ATRNL1: variants seen among roughly 807,000 people sequenced by gnomAD.
ATRNL1 encodes attractin-like protein 1.
Under a neutral mutation model 182.7 loss-of-function variants are expected in ATRNL1, and 95 were observed. The observed-to-expected ratio is 0.52, with a 90% CI of 0.44 to 0.62. The LOEUF is 0.62. Ranked by LOEUF, ATRNL1 falls within the 20% of genes least tolerant of loss-of-function variation. The pLI is 0.00. For missense variants in ATRNL1, 1,471 were observed against 1,679.5 expected (o/e 0.88, Z 2.17); for synonymous variants, 576 against 568.3 (o/e 1.01, Z -0.19).
At chr10:115,361,697 T>C (rs1856756595) in intron 19 of ATRNL1, among the ~76,000 whole-genome samples, 2 of 152,038 alleles carry the variant, frequency 1.3e-5, no homozygotes, top group Non-Finnish European at 2.9e-5. Context: ...TAGTGACCCT[T>C]AGAATATATG....
At chr10:115,799,734 C>T (rs1175546580) in intron 27 of ATRNL1, among the ~76,000 whole-genome samples, 3 of 152,174 alleles carry the variant, frequency 2.0e-5, no homozygotes, top group African/African-American at 7.2e-5. Flanking sequence ...TTTAGCTAAT[C>T]TCATAATAAC....
intron 25 of ATRNL1, among the ~76,000 whole-genome samples, chr10:115,531,809 G>A (rs1851602704): frequency 6.8e-6 from 1 of 146,122 alleles, no homozygotes; most frequent in Non-Finnish European, 1.6e-5. Flanking sequence ...TTTTGTATAA[G>A]GTGTAAGGAA....
chr10:115,185,892 G>T (rs545868775), intron 8 of ATRNL1, among the ~76,000 whole-genome samples: 7 of 151,984 alleles, frequency 4.6e-5, no homozygotes, highest in Non-Finnish European at 8.8e-5. Context: ...GAGACATTAC[G>T]TGTGGTAGAG....
chr10:115,202,225 G>C (rs1303685577), intron 8 of ATRNL1, among the ~76,000 whole-genome samples: 31 of 150,566 alleles, frequency 2.1e-4, no homozygotes, highest in South Asian at 4.2e-4. Flanking sequence ...CCCTTTATTT[G>C]CTTCTCCTGC....
chr10:115,355,672 A>G (rs935951835), intron 19 of ATRNL1, among the ~76,000 whole-genome samples: 9 of 152,230 alleles, frequency 5.9e-5, no homozygotes, highest in Admixed American at 2.0e-4. Context: ...TATAACTAAT[A>G]GTTTCCTCCA....
chr10:115,596,205 A>G (rs1592920080), intron 26 of ATRNL1, among the ~76,000 whole-genome samples: 1 of 152,086 alleles, frequency 6.6e-6, no homozygotes, highest in South Asian at 2.1e-4. Flanking sequence ...TCCTGGGTTC[A>G]AGCGATTCTC....
At chr10:115,787,604 C>T (rs559611285) in intron 27 of ATRNL1, among the ~76,000 whole-genome samples, 79 of 152,026 alleles carry the variant, frequency 5.2e-4, no homozygotes, top group Admixed American at 1.0e-3. Context: ...ATTAACTATA[C>T]TGGAGTGTTA....
At chr10:115,174,264 C>T (rs1427173970) in intron 8 of ATRNL1, among the ~76,000 whole-genome samples, 1 of 151,758 alleles carries the variant, frequency 6.6e-6, no homozygotes, top group African/African-American at 2.4e-5. Flanking sequence ...ACTTCATCTA[C>T]TTTCCCCATG....
chr10:115,715,663 T>TA (rs1271550945), intron 26 of ATRNL1, among the ~76,000 whole-genome samples: 1 of 151,996 alleles, frequency 6.6e-6, no homozygotes, highest in Non-Finnish European at 1.5e-5. Flanking sequence ...CTGCACTCAA[T>TA]AAAAAAACAG....
intron 26 of ATRNL1, among the ~76,000 whole-genome samples, chr10:115,711,154 T>C (rs1555054425): frequency 6.6e-6 from 1 of 152,136 alleles, no homozygotes; most frequent in Non-Finnish European, 1.5e-5. Context: ...ATTTTTATTA[T>C]TGATAAAAGT....
At chr10:115,399,073 T>C (rs185347542) in intron 20 of ATRNL1, among the ~76,000 whole-genome samples, 1 of 152,266 alleles carries the variant, frequency 6.6e-6, no homozygotes, top group East Asian at 1.9e-4. Context: ...TCATGGTGGA[T>C]AAGCTTTTTG....
intron 25 of ATRNL1, among the ~76,000 whole-genome samples, chr10:115,535,522 A>G (rs960663190): frequency 6.6e-6 from 1 of 151,424 alleles, no homozygotes; most frequent in African/African-American, 2.4e-5. Flanking sequence ...AATTTTTTTC[A>G]AAGTTTTCAA....
chr10:115,689,848 G>A (rs1946334437), intron 26 of ATRNL1, among the ~76,000 whole-genome samples: 1 of 152,136 alleles, frequency 6.6e-6, no homozygotes, highest in Non-Finnish European at 1.5e-5. Flanking sequence ...GGACGCTGGG[G>A]CCACACCATC....
chr10:115,940,768 C>T (rs537021686), intron 28 of ATRNL1, among the ~76,000 whole-genome samples: 51 of 152,028 alleles, frequency 3.4e-4, no homozygotes, highest in African/African-American at 1.2e-3. Context: ...GGCTTTGTCT[C>T]TTTTTTTCAT....
intron 28 of ATRNL1, among the ~76,000 whole-genome samples, chr10:115,879,312 A>AAAG (rs1565456565): frequency 0.011 from 1,612 of 150,878 alleles, 63 homozygotes; most frequent in African/African-American, 0.037. Context: ...TCTCAAAAAA[A>AAAG]AAAGAAAGAA....
chr10:115,200,311 TG>T (rs1848515714), intron 8 of ATRNL1, among the ~76,000 whole-genome samples: 1 of 148,930 alleles, frequency 6.7e-6, no homozygotes, highest in Non-Finnish European at 1.5e-5. Context: ...TGTGCCATGC[TG>T]GTGTGCTGCA....
intron 19 of ATRNL1, among the ~76,000 whole-genome samples, chr10:115,391,677 T>A (rs2134270141): frequency 6.6e-6 from 1 of 152,164 alleles, no homozygotes; most frequent in South Asian, 2.1e-4. Context: ...TCTGGATTCC[T>A]TAGCTGTTGG....
intron 26 of ATRNL1, among the ~76,000 whole-genome samples, chr10:115,622,651 G>C (rs549649938): frequency 3.6e-5 from 5 of 140,194 alleles, no homozygotes; most frequent in African/African-American, 1.3e-4. Flanking sequence ...TTAGGGCGGG[G>C]CGCGGTGGCT....
chr10:115,561,958 A>G (rs1398106008), intron 26 of ATRNL1, among the ~76,000 whole-genome samples: 1 of 152,102 alleles, frequency 6.6e-6, no homozygotes, highest in Non-Finnish European at 1.5e-5. Flanking sequence ...TTGTAGTGTA[A>G]TACACTCTGA....
Sources: gnomAD v4.1 joint callset for allele counts (sites outside exome capture counted in the v4.1 genomes callset) on GRCh38, gnomAD v4.1.1 for gene constraint, MANE v1.5 for transcripts, NCBI Gene and HGNC (gene_info 2026-07-23, HGNC 2026-07-21) for gene names.